The following SDK1 variants were observed in gnomAD, a reference collection of about 807,000 sequenced individuals.
The protein encoded by SDK1 is protein sidekick-1.
Under a neutral mutation model 245.5 loss-of-function variants are expected in SDK1, and 157 were observed. The ratio of observed to expected loss-of-function variants is 0.64; its 90% CI spans 0.56 to 0.73. The LOEUF is 0.73. SDK1 is among the 30% of genes least tolerant of loss of function. The pLI is 0.00. For synonymous variants in SDK1, 1,647 were observed against 1,278.5 expected (o/e 1.29, Z -6.15); for missense variants, 3,583 against 3,002.3 (o/e 1.19, Z -4.52).
Position 3,422,487 on chromosome 7 carries a change from A to G in SDK1, c.298+120603A>G, listed in dbSNP as rs1413539575. The stretch of plus-strand genomic sequence containing the variant: ...ATAACCAACTTTTCTTAATACTGGA[A>G]GTCCTTTTGAAAAATCAAATTATTG... On this transcript the variant is annotated intron_variant, in intron 1 of 44. Coordinates refer to ENST00000404826, the MANE Select transcript of SDK1 (RefSeq NM_152744.4). Among the ~76,000 whole-genome samples, 4 of 152,174 alleles carry G rather than the reference A, an allele frequency of 2.6e-5. No homozygotes were observed. In the East Asian group the frequency reaches 7.7e-4, roughly 29 times the overall value.
At chr7:3,733,814 C>T (rs570469115) in intron 4 of SDK1, among the ~76,000 whole-genome samples, 8 of 152,238 alleles carry the variant, frequency 5.3e-5, no homozygotes, top group Admixed American at 3.9e-4. Flanking sequence ...ACACTCATAA[C>T]GCCGATTATG....
At chr7:3,533,408 A>G (rs1562544907) in intron 1 of SDK1, among the ~76,000 whole-genome samples, 1 of 152,210 alleles carries the variant, frequency 6.6e-6, no homozygotes, top group Non-Finnish European at 1.5e-5. Context: ...TTTGACTTCA[A>G]AATAACATGA....
Position 4,267,287 on chromosome 7 carries a change from C to T in SDK1, c.*1903C>T, listed in dbSNP as rs760251319. ...TTCCCTCCCTTCCTTCCTCTCTTTC[C>T]TCCTTCCTTCCCTCCCTTCTTTCCC... On this transcript the variant is annotated 3_prime_UTR_variant, in exon 45 of 45. Coordinates refer to ENST00000404826, the MANE Select transcript of SDK1 (RefSeq NM_152744.4). 8.7e-5 allele frequency: 57 copies of T among 653,046 alleles called. No homozygotes were observed. The highest frequency in any genetic ancestry group is 1.0e-4 in the Non-Finnish European group (55 of 529,392). 40.5% of individuals were successfully genotyped at this position (653,046 alleles called of 1,614,324 possible).
At chr7:3,701,381 G>T (rs1562381433) in intron 4 of SDK1, among the ~76,000 whole-genome samples, 1 of 152,150 alleles carries the variant, frequency 6.6e-6, no homozygotes, top group Non-Finnish European at 1.5e-5. Flanking sequence ...TTCCCAAATT[G>T]ATGTATAGGT....
chr7:3,901,951 T>G (rs2128105643), intron 5 of SDK1, among the ~76,000 whole-genome samples: 1 of 152,280 alleles, frequency 6.6e-6, no homozygotes, highest in East Asian at 1.9e-4. Context: ...TTTCAGAGTA[T>G]CTCCTCTATC....
intron 4 of SDK1, among the ~76,000 whole-genome samples, chr7:3,729,757 C>CACGAAGAT (rs1779123347): frequency 6.6e-6 from 1 of 152,092 alleles, no homozygotes; most frequent in South Asian, 2.1e-4. Flanking sequence ...CCTGTGTGAA[C>CACGAAGAT]ACGAAGATCT....
chr7:4,185,398 C>T (rs939122569), intron 35 of SDK1, among the ~76,000 whole-genome samples: 1 of 152,190 alleles, frequency 6.6e-6, no homozygotes, highest in Non-Finnish European at 1.5e-5. Flanking sequence ...GCCCTGGTCT[C>T]AGGTTAAGCC....
intron 5 of SDK1, among the ~76,000 whole-genome samples, chr7:3,885,104 A>G (rs1781306274): frequency 6.6e-6 from 1 of 152,114 alleles, no homozygotes; most frequent in Non-Finnish European, 1.5e-5. Context: ...CTGAGCCTAA[A>G]CCTGCCCATC....
intron 1 of SDK1, among the ~76,000 whole-genome samples, chr7:3,577,793 C>T (rs1780341307): frequency 6.6e-6 from 1 of 152,014 alleles, no homozygotes; most frequent in Non-Finnish European, 1.5e-5. Flanking sequence ...TATTGTCCCC[C>T]AACCATGTTA....
At chr7:4,233,464 G>A in intron 41 of SDK1, 45 bp downstream of exon 41, 3 of 1,574,420 alleles carry the variant, frequency 1.9e-6, no homozygotes, top group African/African-American at 1.3e-5. Context: ...AGGACTAGAG[G>A]GAGAAATGGG....
intron 1 of SDK1, among the ~76,000 whole-genome samples, chr7:3,315,907 C>G (rs1779652897): frequency 6.6e-6 from 1 of 151,984 alleles, no homozygotes; most frequent in Non-Finnish European, 1.5e-5. Flanking sequence ...AAAAAGCATG[C>G]CATATTTTAA....
chr7:4,175,591 C>G (rs1029729306), intron 33 of SDK1, among the ~76,000 whole-genome samples, 184 bp from the exon 34 acceptor site: 2 of 152,224 alleles, frequency 1.3e-5, no homozygotes, highest in African/African-American at 4.8e-5. Context: ...TGCGGCAGCC[C>G]CCGCAACTGG....
chr7:3,607,937 A>G (rs2128641032), intron 1 of SDK1, among the ~76,000 whole-genome samples: 1 of 152,372 alleles, frequency 6.6e-6, no homozygotes, highest in South Asian at 2.1e-4. Context: ...GCAGACCCTG[A>G]GCCCCTTTGC....
At chr7:3,644,810 G>A (rs950856051) in intron 4 of SDK1, among the ~76,000 whole-genome samples, 7 of 106,842 alleles carry the variant, frequency 6.6e-5, no homozygotes, top group African/African-American at 1.9e-4. Context: ...CAACAACAAC[G>A]GCGGGGCAGG....
At chr7:3,463,575 G>C (rs13237637) in intron 1 of SDK1, among the ~76,000 whole-genome samples, 61,532 of 152,122 alleles carry the variant, frequency 0.4, 14,017 homozygotes, top group East Asian at 0.51. Context: ...TTAGCCATGG[G>C]ATCATGGCTT....
intron 15 of SDK1, among the ~76,000 whole-genome samples, chr7:4,011,660 A>C (rs962902844): frequency 2.0e-5 from 3 of 152,210 alleles, no homozygotes; most frequent in African/African-American, 7.2e-5. Context: ...CTGAGCTTTC[A>C]GTGGGCTTGA....
chr7:4,149,827 G>T (rs1356088949), intron 30 of SDK1, among the ~76,000 whole-genome samples: 2 of 152,196 alleles, frequency 1.3e-5, no homozygotes, highest in African/African-American at 2.4e-5. Context: ...GTGGAGGAGG[G>T]CTGGGCTGGC....
intron 1 of SDK1, among the ~76,000 whole-genome samples, chr7:3,423,253 T>A (rs960641471): frequency 1.3e-5 from 2 of 152,184 alleles, no homozygotes; most frequent in Admixed American, 1.3e-4. Context: ...TTGGTTTAAA[T>A]CAGACAGGAG....
intron 1 of SDK1, among the ~76,000 whole-genome samples, chr7:3,562,779 C>T (rs548564913): frequency 6.6e-6 from 1 of 152,078 alleles, no homozygotes; most frequent in Non-Finnish European, 1.5e-5. Flanking sequence ...CCAATTGTCA[C>T]TCACACGTGA....
Sources: allele counts gnomAD v4.1 joint callset (sites outside exome capture counted in the v4.1 genomes callset), GRCh38; gene constraint gnomAD v4.1.1; transcripts MANE v1.5; gene names NCBI Gene and HGNC (gene_info 2026-07-23, HGNC 2026-07-21).